LRFN2: variants seen among roughly 807,000 people sequenced by gnomAD.
LRFN2 encodes the protein leucine rich repeat and fibronectin type III domain containing 2.
A neutral mutation model predicts 37.3 loss-of-function variants in LRFN2; 18 were observed. The ratio of observed to expected loss-of-function variants is 0.48; its 90% CI spans 0.33 to 0.72. The LOEUF (loss-of-function observed/expected upper bound fraction) is 0.72, where lower values mean the gene tolerates loss of function less well. Among genes scored for constraint, LRFN2 ranks in the 30% least tolerant of loss-of-function variants. The probability of loss-of-function intolerance (pLI) is 0.02; values close to 1 mark genes in which losing one functional copy is unlikely to be tolerated. For missense variants in LRFN2, 1,006 were observed against 1,060.7 expected (o/e 0.95, Z 0.72); for synonymous variants, 556 against 466.6 (o/e 1.19, Z -2.47).
chr6:40,448,735 A>C (rs1764031863), intron 1 of LRFN2, among the ~76,000 whole-genome samples: 1 of 152,196 alleles, frequency 6.6e-6, no homozygotes, highest in Non-Finnish European at 1.5e-5. Context: ...GTTTCTCTTA[A>C]TTCACACCAT....
At chr6:40,531,324 G>C (rs1015100052) in intron 1 of LRFN2, among the ~76,000 whole-genome samples, 1 of 152,142 alleles carries the variant, frequency 6.6e-6, no homozygotes, top group African/African-American at 2.4e-5. Flanking sequence ...TTATTGATGT[G>C]AGCACATCAT....
intron 1 of LRFN2, among the ~76,000 whole-genome samples, chr6:40,460,960 C>T (rs1764334767): frequency 6.6e-6 from 1 of 152,188 alleles, no homozygotes; most frequent in Admixed American, 6.5e-5. Flanking sequence ...AGAGGGTAGG[C>T]TATTGAATGA....
intron 1 of LRFN2, among the ~76,000 whole-genome samples, chr6:40,577,702 C>T (rs1481197471): frequency 2.9e-5 from 3 of 102,678 alleles, no homozygotes; most frequent in South Asian, 6.3e-4. Flanking sequence ...TTTGTTCTTG[C>T]GATAGTTTAC....
chr6:40,498,270 C>A (rs779492920), intron 1 of LRFN2, among the ~76,000 whole-genome samples: 1 of 152,062 alleles, frequency 6.6e-6, no homozygotes, highest in East Asian at 1.9e-4. Context: ...AGTCTCTCTG[C>A]CAAAAAGTCC....
chr6:40,521,479 G>T (rs1296895947), intron 1 of LRFN2, among the ~76,000 whole-genome samples: 1 of 152,242 alleles, frequency 6.6e-6, no homozygotes, highest in African/African-American at 2.4e-5. Flanking sequence ...TTTGCAAAAT[G>T]CATTTGCCAG....
intron 1 of LRFN2, among the ~76,000 whole-genome samples, chr6:40,526,695 G>A (rs1766260825): frequency 6.6e-6 from 1 of 152,074 alleles, no homozygotes; most frequent in Non-Finnish European, 1.5e-5. Context: ...CTTCCTTTTG[G>A]ATGTGGCCAT....
At chr6:40,446,037 G>A (rs1301521434) in intron 1 of LRFN2, among the ~76,000 whole-genome samples, 1 of 152,338 alleles carries the variant, frequency 6.6e-6, no homozygotes, top group East Asian at 1.9e-4. Flanking sequence ...GGTAAAGAAT[G>A]AATTTTAGAT....
chr6:40,449,507 C>T (rs1016175632), intron 1 of LRFN2, among the ~76,000 whole-genome samples: 3 of 152,168 alleles, frequency 2.0e-5, no homozygotes, highest in East Asian at 1.9e-4. Flanking sequence ...CCTGTCTTTG[C>T]TCCTTCCTGC....
chr6:40,391,777 G>T lies in LRFN2; in HGVS notation c.*166C>A. The T allele has an allele frequency of 1.7e-6, 1 of 588,690 alleles. No individual in the cohort carries two copies. Among genetic ancestry groups the T allele is most frequent in the Non-Finnish European group, 2.7e-6 (1 of 371,820 alleles). 36.5% of individuals were successfully genotyped at this position (588,690 alleles called of 1,614,324 possible). ...CACACCCCGGCCGGGTGGTGGGGAG[G>T]TGATGTGGGTGTTGCGGGGTAGGGG... On this transcript the variant is annotated 3_prime_UTR_variant, in exon 3 of 3. Transcript: ENST00000338305.
chr6:40,425,818 G>A lies in LRFN2; in HGVS notation c.1400+5896C>T, dbSNP rs575943479. 5.9e-5 allele frequency among the ~76,000 whole-genome samples: 9 copies of A among 152,378 alleles called. No homozygotes were observed. In the East Asian group the frequency reaches 9.6e-4, roughly 16 times the overall value. On this transcript the variant is annotated intron_variant, in intron 2 of 2. Coordinates refer to ENST00000338305, the MANE Select transcript of LRFN2 (RefSeq NM_020737.3). ...GCCAGGACTGTTAAATAATGATGGA[G>A]CTTATTAGCTGAAAAAAGCGCAAAG...
At chr6:40,534,953 G>T (rs1766422402) in intron 1 of LRFN2, among the ~76,000 whole-genome samples, 1 of 152,178 alleles carries the variant, frequency 6.6e-6, no homozygotes. Context: ...GGAACCAGCT[G>T]GAACCACTTG....
chr6:40,536,834 C>T (rs983561944), intron 1 of LRFN2, among the ~76,000 whole-genome samples: 1 of 152,184 alleles, frequency 6.6e-6, no homozygotes, highest in Non-Finnish European at 1.5e-5. Flanking sequence ...TGGCCCCTGG[C>T]GAAGGCACCC....
intron 1 of LRFN2, among the ~76,000 whole-genome samples, chr6:40,443,020 T>G (rs1763878277): frequency 1.3e-5 from 2 of 152,212 alleles, no homozygotes; most frequent in South Asian, 4.1e-4. Context: ...CCCCTCTTAT[T>G]ATTAAAACAA....
intron 1 of LRFN2, among the ~76,000 whole-genome samples, chr6:40,471,150 A>G (rs1341694798): frequency 6.6e-6 from 1 of 152,064 alleles, no homozygotes; most frequent in Non-Finnish European, 1.5e-5. Context: ...AGGGGTACGG[A>G]TGAGGCTGAT....
At chr6:40,491,245 T>C (rs1030869952) in intron 1 of LRFN2, among the ~76,000 whole-genome samples, 24 of 152,166 alleles carry the variant, frequency 1.6e-4, no homozygotes, top group Non-Finnish European at 3.5e-4. Flanking sequence ...CCCACCTCAA[T>C]GTCTTTCCTC....
chr6:40,562,369 A>G (rs1767013554), intron 1 of LRFN2, among the ~76,000 whole-genome samples: 1 of 151,950 alleles, frequency 6.6e-6, no homozygotes, highest in South Asian at 2.1e-4. Context: ...TAAGGGCCCT[A>G]GAAGGCTTCC....
At chr6:40,419,850 C>A (rs373345369) in intron 2 of LRFN2, among the ~76,000 whole-genome samples, 7 of 152,320 alleles carry the variant, frequency 4.6e-5, no homozygotes, top group Non-Finnish European at 8.8e-5. Context: ...GCAGTTAGCT[C>A]ATGGAAAAGC....
intron 2 of LRFN2, among the ~76,000 whole-genome samples, chr6:40,416,262 G>C (rs1166263244): frequency 6.6e-6 from 1 of 152,230 alleles, no homozygotes; most frequent in East Asian, 1.9e-4. Flanking sequence ...GCCCGCCTCA[G>C]CCTCCCAAAG....
intron 1 of LRFN2, among the ~76,000 whole-genome samples, chr6:40,551,730 A>T (rs996948239): frequency 5.9e-5 from 9 of 152,142 alleles, no homozygotes; most frequent in Non-Finnish European, 1.0e-4. Context: ...TGATGCTAAG[A>T]TCATACACTA....
Sources: allele counts gnomAD v4.1 joint callset (sites outside exome capture counted in the v4.1 genomes callset), GRCh38; gene constraint gnomAD v4.1.1; transcripts MANE v1.5; gene names NCBI Gene and HGNC (gene_info 2026-07-23, HGNC 2026-07-21).